The following ARB2A variants were observed in gnomAD, a reference collection of about 807,000 sequenced individuals.
The protein encoded by ARB2A is ARB2 cotranscriptional regulator A.
chr5:93,959,644 A>C, the ARB2A span, among the ~76,000 whole-genome samples: 2 of 152,186 alleles, frequency 1.3e-5, no homozygotes, highest in African/African-American at 4.8e-5. Context: ...CAGATTGTGA[A>C]CACAGGATTA....
chr5:94,010,371 C>G, the ARB2A span, among the ~76,000 whole-genome samples: 15 of 152,058 alleles, frequency 9.9e-5, no homozygotes, highest in African/African-American at 3.4e-4. Flanking sequence ...AGGTAGCTCT[C>G]TAACCGAGAA....
the ARB2A span, among the ~76,000 whole-genome samples, chr5:94,091,941 G>A: frequency 4.6e-5 from 7 of 151,980 alleles, no homozygotes; most frequent in East Asian, 1.2e-3. Flanking sequence ...AAGTAGACTC[G>A]GGTCAAAAAT....
chr5:93,865,629 C>A, the ARB2A span: 2 of 985,340 alleles, frequency 2.0e-6, no homozygotes, highest in Non-Finnish European at 2.4e-6. Flanking sequence ...TTTATTTAAT[C>A]TGGCCATTTA....
chr5:93,645,691 A>C, the ARB2A span, among the ~76,000 whole-genome samples: 1 of 152,212 alleles, frequency 6.6e-6, no homozygotes, highest in Non-Finnish European at 1.5e-5. Context: ...ATTGTTAGAG[A>C]ATGTTTAAAA....
chr5:93,672,370 C>T, the ARB2A span, among the ~76,000 whole-genome samples: 23 of 151,402 alleles, frequency 1.5e-4, no homozygotes, highest in African/African-American at 5.3e-4. Context: ...AGTGCAATGG[C>T]GCCATCTTGG....
At chr5:93,665,631 C>A in the ARB2A span, among the ~76,000 whole-genome samples, 2 of 152,166 alleles carry the variant, frequency 1.3e-5, no homozygotes, top group Non-Finnish European at 2.9e-5. Flanking sequence ...AGGGGTCAGG[C>A]ACATGGCATT....
the ARB2A span, among the ~76,000 whole-genome samples, chr5:93,742,530 G>C: frequency 6.6e-6 from 1 of 152,282 alleles, no homozygotes; most frequent in South Asian, 2.1e-4. Flanking sequence ...GCTAAGGAGG[G>C]AGGGAGAAAG....
the ARB2A span, among the ~76,000 whole-genome samples, chr5:94,078,733 G>A: frequency 6.6e-6 from 1 of 151,848 alleles, no homozygotes; most frequent in South Asian, 2.1e-4. Context: ...AGTTTCCCAA[G>A]CAACATGATA....
At chr5:93,980,621 C>T in the ARB2A span, among the ~76,000 whole-genome samples, 1 of 152,166 alleles carries the variant, frequency 6.6e-6, no homozygotes, top group African/African-American at 2.4e-5. Context: ...TATTTTCCAT[C>T]TCTTTTTAAA....
At chr5:93,834,156 T>G in the ARB2A span, among the ~76,000 whole-genome samples, 2 of 152,186 alleles carry the variant, frequency 1.3e-5, no homozygotes, top group Admixed American at 1.3e-4. Context: ...CAAATAGGTT[T>G]AAGGGTAAGA....
chr5:93,724,804 A>G, the ARB2A span, among the ~76,000 whole-genome samples: 2 of 152,052 alleles, frequency 1.3e-5, no homozygotes, highest in African/African-American at 4.8e-5. Context: ...AGAGATGAAC[A>G]ACAGTAAGTA....
the ARB2A span, among the ~76,000 whole-genome samples, chr5:94,098,402 T>C: frequency 6.6e-6 from 1 of 152,018 alleles, no homozygotes; most frequent in East Asian, 1.9e-4. Context: ...AATAATCAAA[T>C]TAAGGCAGAG....
chr5:93,729,741 C>T, the ARB2A span, among the ~76,000 whole-genome samples: 1 of 151,972 alleles, frequency 6.6e-6, no homozygotes, highest in African/African-American at 2.4e-5. Context: ...AATGAATATG[C>T]ATATCTGTAA....
the ARB2A span, among the ~76,000 whole-genome samples, chr5:94,086,368 T>C: frequency 2.0e-5 from 3 of 152,136 alleles, no homozygotes; most frequent in African/African-American, 4.8e-5. Context: ...GCTGAAAAAT[T>C]CCTACCACCT....
chr5:93,754,298 T>C, the ARB2A span, among the ~76,000 whole-genome samples: 1 of 152,218 alleles, frequency 6.6e-6, no homozygotes, highest in African/African-American at 2.4e-5. Flanking sequence ...TTACTTATCT[T>C]GATTACTGTT....
the ARB2A span, among the ~76,000 whole-genome samples, chr5:93,636,615 T>C: frequency 6.6e-6 from 1 of 152,214 alleles, no homozygotes; most frequent in Non-Finnish European, 1.5e-5. Context: ...CTGTAGGAAA[T>C]AAATTTCTGT....
the ARB2A span, among the ~76,000 whole-genome samples, chr5:94,021,616 A>G: frequency 1.3e-5 from 2 of 152,218 alleles, no homozygotes; most frequent in Non-Finnish European, 2.9e-5. Flanking sequence ...CAGCTTGGTT[A>G]TACGGTCAAA....
At chr5:93,976,356 C>CCAGT in the ARB2A span, among the ~76,000 whole-genome samples, 1 of 152,100 alleles carries the variant, frequency 6.6e-6, no homozygotes, top group Admixed American at 6.5e-5. Flanking sequence ...AAGAAGATAT[C>CCAGT]CAGTCTCATC....
At chr5:94,060,995 T>C in the ARB2A span, among the ~76,000 whole-genome samples, 3 of 152,090 alleles carry the variant, frequency 2.0e-5, no homozygotes, top group Admixed American at 6.5e-5. Flanking sequence ...TCCCAGCACT[T>C]TCGGAGGCCG....
Sources: allele counts gnomAD v4.1 joint callset (sites outside exome capture counted in the v4.1 genomes callset), GRCh38; gene constraint gnomAD v4.1.1; transcripts MANE v1.5; gene names NCBI Gene and HGNC (gene_info 2026-07-23, HGNC 2026-07-21).